Variants in LLGL2 observed in about 807,000 individuals in gnomAD.
LLGL2 encodes LLGL scribble cell polarity complex component 2.
Under a neutral mutation model 123.2 loss-of-function variants are expected in LLGL2, and 81 were observed. The observed-to-expected ratio is 0.66, with a 90% confidence interval of 0.55 to 0.79. LLGL2 has a LOEUF of 0.79. Ranked by LOEUF, LLGL2 falls within the 30% of genes least tolerant of loss-of-function variation. LLGL2 has a pLI of 0.00. For missense variants in LLGL2, 1,273 were observed against 1,414.6 expected, an observed-to-expected ratio of 0.90 and a Z score of 1.61; for synonymous variants, 577 against 594.1, an observed-to-expected ratio of 0.97 and a Z score of 0.42.
chr17:75,528,550 C>A (rs1157962904), intron 1 of LLGL2, among the ~76,000 whole-genome samples: 1 of 152,134 alleles, frequency 6.6e-6, no homozygotes, highest in African/African-American at 2.4e-5. Flanking sequence ...AGCAGCCTCA[C>A]CAACATGGAG....
At chr17:75,560,802 T>TAAAAAAAAAAAAA (rs372940306) in intron 6 of LLGL2, among the ~76,000 whole-genome samples, 16 of 96,108 alleles carry the variant, frequency 1.7e-4, no homozygotes, top group South Asian at 5.4e-4. Context: ...GTTTATTTAT[T>TAAAAAAAAAAAAA]AAAAAAAAAA....
In LLGL2 at chr17:75,570,267, CG is replaced by C. The variant is rs1568073026; in HGVS notation, c.1874+14del. Reference sequence around the variant, plus strand: ...CAGGTCTTTGTTAAGTGAGCAGGGGCGGCTGGGTCCCGGGGCTGGGAGTGGG... The same window carrying C: ...CAGGTCTTTGTTAAGTGAGCAGGGGCGCTGGGTCCCGGGGCTGGGAGTGGG... On this transcript the variant is annotated intron_variant, in intron 15 of 25. Coordinates refer to ENST00000392550, the MANE Select transcript of LLGL2 (RefSeq NM_001031803.2). 4 of 1,598,024 alleles carry C rather than the reference CG, an allele frequency of 2.5e-6. No homozygotes were observed. The South Asian group carries it at 4.5e-5, about 18-fold the overall frequency.
chr17:75,569,447 G>A, intron 14 of LLGL2, 122 bp downstream of exon 14: 1 of 797,124 alleles, frequency 1.3e-6, no homozygotes, highest in East Asian at 2.6e-5. Flanking sequence ...CCGGTGGATG[G>A]AGGTGGCTTG....
chr17:75,536,007 C>T (rs1357075748), intron 1 of LLGL2, among the ~76,000 whole-genome samples: 3 of 152,192 alleles, frequency 2.0e-5, no homozygotes, highest in African/African-American at 7.2e-5. Flanking sequence ...TGGATGGGAA[C>T]CAGCCACAAG....
At position 75,559,312 on chromosome 17, in the gene LLGL2, C is replaced by T; in HGVS notation, c.432C>T (p.Leu144=). 2 of 1,613,572 alleles carry T rather than the reference C, an allele frequency of 1.2e-6. No homozygotes were observed. The highest frequency in any genetic ancestry group is 1.7e-6 in the Non-Finnish European group (2 of 1,179,952). The change falls in exon 6 of 26, where the codon CTC becomes CTT. Residue 144 remains leucine (L), a synonymous_variant. Coordinates refer to ENST00000392550, the MANE Select transcript of LLGL2 (RefSeq NM_001031803.2). This position sits in a 1 kb window ranked among gnomAD's most constrained non-coding sequence, Gnocchi z 4.6. The part of the protein sequence containing the change: ...VVLPHSSCEL[L]YLGTESGNVF... ...TGCCACATTCCTCCTGCGAGCTGCTCTACCTGGGCACCGAGAGTGGCAACG... is the reference window on the plus strand; with the variant it reads ...TGCCACATTCCTCCTGCGAGCTGCTTTACCTGGGCACCGAGAGTGGCAACG...
At chr17:75,543,341 C>A in intron 1 of LLGL2, 56 bp from the exon 2 acceptor site, 3 of 1,275,380 alleles carry the variant, frequency 2.4e-6, no homozygotes, top group South Asian at 1.4e-5. Context: ...TTGGGCCGGG[C>A]CTAATCGATA....
rs1236328279 is a variant in LLGL2 at position 75,568,598 on chromosome 17, A to G, written c.1159A>G (p.Ile387Val). 1.2e-6 allele frequency: 2 copies of G among 1,613,958 alleles called. No individual in the cohort carries two copies. Among genetic ancestry groups the G allele is most frequent in the South Asian group, 1.1e-5 (1 of 91,084 alleles). ...PYLASLHCSA[I>V]TCSHHVSNIP... The stretch of plus-strand genomic sequence containing the variant: ...CCTGGCTTCTCTGCACTGTTCCGCC[A>G]TCACCTGCTCTCACCACGTCTCCAA... The change falls in exon 11 of 26, where the codon ATC becomes GTC. Residue 387 changes from isoleucine to valine, a missense_variant. Coordinates refer to ENST00000392550, the MANE Select transcript of LLGL2 (RefSeq NM_001031803.2).
At chr17:75,548,447 G>A (rs1316546654) in intron 2 of LLGL2, among the ~76,000 whole-genome samples, 2 of 151,754 alleles carry the variant, frequency 1.3e-5, no homozygotes, top group Admixed American at 6.6e-5. Flanking sequence ...CCGGCTAAAG[G>A]ACAGCTTTTC....
Position 75,570,452 on chromosome 17 carries a change from G to T in LLGL2, c.1979G>T (p.Ser660Ile). 1 of 1,595,836 alleles carries T rather than the reference G, an allele frequency of 6.3e-7. No individual in the cohort carries two copies. Among genetic ancestry groups the T allele is most frequent in the East Asian group, 2.3e-5 (1 of 43,938 alleles). Residue 660 changes from serine (S) to isoleucine (I), a missense_variant, in exon 16 of 26, where the codon AGC (serine) becomes ATC (isoleucine). Ser to Ile is a moderately radical substitution (Grantham distance 142, BLOSUM62 -2). Coordinates refer to ENST00000392550, the MANE Select transcript of LLGL2 (RefSeq NM_001031803.2). Reference sequence around the variant, plus strand: ...CAGTCATTCCGCCGGATGCGTCGGAGCCGGGTGTCCAGCCGGAAGCGGCAC... The same window carrying T: ...CAGTCATTCCGCCGGATGCGTCGGATCCGGGTGTCCAGCCGGAAGCGGCAC... ...LRQSFRRMRRSRVSSRKRHPA... is the reference protein window; with the variant it reads ...LRQSFRRMRRIRVSSRKRHPA...
chr17:75,526,694 C>T lies in LLGL2; in HGVS notation c.-31+869C>T, dbSNP rs549538450. Among the ~76,000 whole-genome samples the T allele has an allele frequency of 3.3e-5, 5 of 152,238 alleles. No individual in the cohort carries two copies. The South Asian group carries it at 8.3e-4, about 25-fold the overall frequency. On this transcript the variant is annotated intron_variant, in intron 1 of 25. Coordinates refer to ENST00000392550, the MANE Select transcript of LLGL2 (RefSeq NM_001031803.2). ...CCTTAACCTGGGCTCCAGGGACCCC[C>T]TGCTGGAGTTTGTAGTTCAAGAGAA...
intron 3 of LLGL2, among the ~76,000 whole-genome samples, chr17:75,557,244 C>A (rs943676937): frequency 6.6e-6 from 1 of 152,122 alleles, no homozygotes; most frequent in Non-Finnish European, 1.5e-5. Flanking sequence ...AGGGCCCTAT[C>A]CACAAGCAGA....
In LLGL2 at chr17:75,547,661, C is replaced by T. The variant is rs1351845849; in HGVS notation, c.75+4160C>T. Among the ~76,000 whole-genome samples, 10 of 152,228 alleles carry T rather than the reference C, an allele frequency of 6.6e-5. 1 individual carries two copies. In the Middle Eastern group the frequency reaches 0.014, roughly 207 times the overall value. ...CCAACATGGCGAAACCCCATCTCTA[C>T]TAAAAATACAAAAATCAGTTGGGTG... On this transcript the variant is annotated intron_variant, in intron 2 of 25. Coordinates refer to ENST00000392550, the MANE Select transcript of LLGL2 (RefSeq NM_001031803.2).
chr17:75,533,937 G>A (rs2053906916), intron 1 of LLGL2, among the ~76,000 whole-genome samples: 1 of 152,206 alleles, frequency 6.6e-6, no homozygotes, highest in African/African-American at 2.4e-5. Context: ...CCTCCCATGA[G>A]GCACCTGGAT....
At chr17:75,574,526 G>GC in intron 24 of LLGL2, 31 bp downstream of exon 24, 1 of 1,573,974 alleles carries the variant, frequency 6.4e-7, no homozygotes, top group Non-Finnish European at 8.6e-7. Context: ...GCTGGGGTGG[G>GC]CCCGAGGCTC....
In LLGL2 at chr17:75,564,145, G is replaced by C. The variant is rs1220261779; in HGVS notation, c.882-208G>C. Among the ~76,000 whole-genome samples, 2 of 152,224 alleles carry C rather than the reference G, an allele frequency of 1.3e-5. No individual in the cohort carries two copies. The highest frequency in any genetic ancestry group is 2.9e-5 in the Non-Finnish European group (2 of 68,032). ...TGGTGGGGGCACCCAGCATGAGGCA[G>C]GAGTGGCTGCTGAGACTCAGAGCCC... On this transcript the variant is annotated intron_variant, in intron 9 of 25. Transcript: ENST00000392550. This position sits in a 1 kb window ranked among gnomAD's most constrained non-coding sequence, Gnocchi z 4.9.
intron 2 of LLGL2, among the ~76,000 whole-genome samples, chr17:75,554,639 G>T (rs968547219): frequency 1.3e-5 from 2 of 151,042 alleles, no homozygotes; most frequent in Non-Finnish European, 3.0e-5. Context: ...AAAAATTTTT[G>T]TCATGCCTGT....
intron 1 of LLGL2, among the ~76,000 whole-genome samples, chr17:75,542,408 G>A (rs75902792): frequency 0.018 from 2,803 of 152,168 alleles, 76 homozygotes; most frequent in East Asian, 0.06. Flanking sequence ...CCTGCTGGGA[G>A]TGGACGGAGC....
chr17:75,536,393 G>A lies in LLGL2; in HGVS notation c.-30-7004G>A, dbSNP rs376536253. Among the ~76,000 whole-genome samples the A allele has an allele frequency of 7.9e-5, 12 of 152,270 alleles. 1 individual carries two copies. In the East Asian group the frequency reaches 2.3e-3, roughly 29 times the overall value. ...TGGCCCTGCTTTAAAGCCTCGGGAC[G>A]ATGGAATAGAAAAGTCCTTTCTACT... On this transcript the variant is annotated intron_variant, in intron 1 of 25. Coordinates refer to ENST00000392550, the MANE Select transcript of LLGL2 (RefSeq NM_001031803.2).
At position 75,573,977 on chromosome 17, in the gene LLGL2, G is replaced by A. The variant is rs377091364; in HGVS notation, c.2902G>A (p.Glu968Lys). The A allele has an allele frequency of 7.0e-5, 109 of 1,550,856 alleles. 4 individuals are homozygous for A. The African/African-American group carries it at 7.2e-4, about 10-fold the overall frequency. ...GAACTCAGGGACTCAGAGTGATGGCGAGGGTAAGACAGGCCTCCTGGGCTC... is the reference window on the plus strand; with the variant it reads ...GAACTCAGGGACTCAGAGTGATGGCAAGGGTAAGACAGGCCTCCTGGGCTC... ...ARNSGTQSDG[E>K]EKQPGLVMER... Residue 968 changes from glutamate to lysine, a missense_variant, in exon 22 of 26, where the codon GAG becomes AAG. Physicochemically the swap from Glu to Lys is moderately conservative, Grantham distance 56 (BLOSUM62 1). Transcript: ENST00000392550.
Sources: gnomAD v4.1 joint callset for allele counts (sites outside exome capture counted in the v4.1 genomes callset) on GRCh38, gnomAD v4.1.1 for gene constraint, Gnocchi (gnomAD v3.1) non-coding constraint, MANE v1.5 for transcripts, NCBI Gene and HGNC (gene_info 2026-07-23, HGNC 2026-07-21) for gene names.